Variants in EXOC4 observed in about 807,000 individuals in gnomAD.
EXOC4 encodes SEC8-like 1.
EXOC4 carries 71 observed loss-of-function variants against 107.2 expected under a neutral mutation model. That is an observed-to-expected ratio of 0.66 (90% CI 0.55 to 0.81). The LOEUF is 0.81. Among genes scored for constraint, EXOC4 ranks in the 30% least tolerant of loss-of-function variants. The pLI, the probability that EXOC4 is intolerant of heterozygous loss-of-function variation, is 0.00. For missense variants in EXOC4, 1,108 were observed against 1,189.6 expected (o/e 0.93, Z 1.01); for synonymous variants, 456 against 441.2 (o/e 1.03, Z -0.42).
At chr7:133,906,753 G>T (rs965345432) in intron 12 of EXOC4, among the ~76,000 whole-genome samples, 6 of 152,332 alleles carry the variant, frequency 3.9e-5, no homozygotes, top group Admixed American at 3.3e-4. Flanking sequence ...ATCCGGCAGG[G>T]TGTCCACTGT....
rs1450338704 is a variant in EXOC4, at chr7:133,940,295, C to T, written c.2206+2226C>T. On this transcript the variant is annotated intron_variant, in intron 14 of 17. Coordinates refer to ENST00000253861, the MANE Select transcript of EXOC4 (RefSeq NM_021807.4). Reference sequence around the variant, plus strand: ...AGTTATGCTTAACTTTGTAATTGCACGATTTAGCTGTTGTGTTCATGTCAC... The same window carrying T: ...AGTTATGCTTAACTTTGTAATTGCATGATTTAGCTGTTGTGTTCATGTCAC... 3.3e-5 allele frequency among the ~76,000 whole-genome samples: 5 copies of T among 152,162 alleles called. 1 individual carries two copies. The highest frequency in any genetic ancestry group is 4.8e-5 in the African/African-American group (2 of 41,432).
At chr7:133,337,454 T>C (rs1003433147) in intron 5 of EXOC4, among the ~76,000 whole-genome samples, 1 of 152,108 alleles carries the variant, frequency 6.6e-6, no homozygotes, top group Non-Finnish European at 1.5e-5. Flanking sequence ...AATTGGTCTT[T>C]TTAAGCATTT....
Position 133,777,286 on chromosome 7 carries a change from AGAGAGAGAGAG to A in EXOC4, c.1515-40038_1515-40028del, listed in dbSNP as rs1562992924. ...TAGTCTAAGAGAGAGAGAAAGAGAG[AGAGAGAGAGAG>A]AGAGAGAGAGAGAGAGAGAGAGAGA... On this transcript the variant is annotated intron_variant, in intron 10 of 17. Coordinates refer to ENST00000253861, the MANE Select transcript of EXOC4 (RefSeq NM_021807.4). 5.1e-3 allele frequency among the ~76,000 whole-genome samples: 769 copies of A among 149,406 alleles called. 8 individuals are homozygous for A. Among genetic ancestry groups the A allele is most frequent in the African/African-American group, 0.013 (509 of 40,642 alleles).
intron 11 of EXOC4, among the ~76,000 whole-genome samples, chr7:133,824,449 C>T (rs889670211): frequency 6.6e-6 from 1 of 152,146 alleles, no homozygotes; most frequent in African/African-American, 2.4e-5. Context: ...CCTTCTACTA[C>T]CCTGGTGTGA....
At chr7:133,255,725 T>C (rs1795001259) in intron 1 of EXOC4, among the ~76,000 whole-genome samples, 2 of 152,226 alleles carry the variant, frequency 1.3e-5, no homozygotes, top group Non-Finnish European at 2.9e-5. Flanking sequence ...CTTCCTGTTA[T>C]TTCCTTCCTA....
intron 3 of EXOC4, among the ~76,000 whole-genome samples, chr7:133,300,529 G>T (rs1278807214): frequency 2.0e-5 from 3 of 152,084 alleles, no homozygotes; most frequent in Non-Finnish European, 4.4e-5. Flanking sequence ...CATGAAGTCC[G>T]GTCTACTGGT....
chr7:133,513,759 G>A (rs1799818420), intron 9 of EXOC4, among the ~76,000 whole-genome samples: 1 of 152,198 alleles, frequency 6.6e-6, no homozygotes, highest in African/African-American at 2.4e-5. Flanking sequence ...AAATAGACCT[G>A]AGGTGAGTAA....
chr7:133,650,070 C>T (rs192173927), intron 10 of EXOC4, among the ~76,000 whole-genome samples: 4 of 152,204 alleles, frequency 2.6e-5, no homozygotes, highest in African/African-American at 9.6e-5. Flanking sequence ...GGTTAATACT[C>T]TGAACCAGCT....
At chr7:133,470,813 A>C (rs1456421959) in intron 7 of EXOC4, among the ~76,000 whole-genome samples, 1 of 152,234 alleles carries the variant, frequency 6.6e-6, no homozygotes, top group African/African-American at 2.4e-5. Flanking sequence ...TGATATTGTA[A>C]GTAATGCTCT....
chr7:133,863,648 T>C (rs1248922297), intron 11 of EXOC4, among the ~76,000 whole-genome samples: 1 of 152,226 alleles, frequency 6.6e-6, no homozygotes, highest in Non-Finnish European at 1.5e-5. Flanking sequence ...TGTAAAAGTT[T>C]ATTGTGCTCT....
At chr7:133,314,209 A>G (rs1482278581) in intron 4 of EXOC4, among the ~76,000 whole-genome samples, 3 of 152,150 alleles carry the variant, frequency 2.0e-5, no homozygotes, top group East Asian at 1.9e-4. Context: ...ACTTAATGCA[A>G]TATTCTACAA....
intron 14 of EXOC4, among the ~76,000 whole-genome samples, chr7:133,972,047 C>T (rs560854873): frequency 3.3e-5 from 1 of 30,486 alleles, no homozygotes; most frequent in African/African-American, 1.4e-4. Context: ...CAAGCAAAAA[C>T]TCTAGCCCTG....
chr7:133,663,267 C>A (rs1793737688), intron 10 of EXOC4, among the ~76,000 whole-genome samples: 1 of 152,136 alleles, frequency 6.6e-6, no homozygotes, highest in Non-Finnish European at 1.5e-5. Flanking sequence ...TCTGTCCCCT[C>A]CATCTCCCTG....
At chr7:133,847,875 ATTTT>A (rs55923568) in intron 11 of EXOC4, among the ~76,000 whole-genome samples, 36 of 85,030 alleles carry the variant, frequency 4.2e-4, no homozygotes, top group African/African-American at 1.9e-3. Context: ...TGCCCAGCTA[ATTTT>A]TTTTTTTTTT....
At chr7:133,711,916 A>G (rs759617686) in intron 10 of EXOC4, among the ~76,000 whole-genome samples, 7 of 152,124 alleles carry the variant, frequency 4.6e-5, no homozygotes, top group Non-Finnish European at 8.8e-5. Context: ...CTCTTTGACT[A>G]TCAAGATGCT....
At chr7:133,694,620 G>A (rs141631737) in intron 10 of EXOC4, among the ~76,000 whole-genome samples, 56 of 152,088 alleles carry the variant, frequency 3.7e-4, no homozygotes, top group African/African-American at 6.3e-4. Context: ...TATTTTGGGC[G>A]TTCTTCTGAA....
intron 10 of EXOC4, among the ~76,000 whole-genome samples, chr7:133,718,854 C>G (rs1187140921): frequency 6.6e-6 from 1 of 152,054 alleles, no homozygotes; most frequent in East Asian, 1.9e-4. Context: ...AGTGGGTGGA[C>G]CCACTTTCCC....
Position 133,305,868 on chromosome 7 carries a change from T to G in EXOC4, c.472-9T>G. On this transcript the variant is annotated splice_polypyrimidine_tract_variant and intron_variant, in intron 3 of 17. Coordinates refer to ENST00000253861, the MANE Select transcript of EXOC4 (RefSeq NM_021807.4). ...TACTTAATTGTCTTTCATTTTTTTCTCTTTTCAGGTGTCAGCAGTTGAGTC... is the reference window on the plus strand; with the variant it reads ...TACTTAATTGTCTTTCATTTTTTTCGCTTTTCAGGTGTCAGCAGTTGAGTC... 6.4e-7 allele frequency: 1 copy of G among 1,569,488 alleles called. No homozygotes were observed. The highest frequency in any genetic ancestry group is 8.6e-7 in the Non-Finnish European group (1 of 1,160,950).
intron 9 of EXOC4, among the ~76,000 whole-genome samples, chr7:133,564,998 T>C (rs1327280419): frequency 2.0e-5 from 3 of 152,154 alleles, no homozygotes; most frequent in Non-Finnish European, 4.4e-5. Context: ...AGAGTGGAAT[T>C]GCGATAGAAA....
Sources: gnomAD v4.1 joint callset for allele counts (sites outside exome capture counted in the v4.1 genomes callset) on GRCh38, gnomAD v4.1.1 for gene constraint, MANE v1.5 for transcripts, NCBI Gene and HGNC (gene_info 2026-07-23, HGNC 2026-07-21) for gene names.